Variants in SV2A observed in about 807,000 individuals in gnomAD.
The protein encoded by SV2A is synaptic vesicle glycoprotein 2A.
SV2A carries 25 observed loss-of-function variants against 78.0 expected under a neutral mutation model. The observed-to-expected ratio is 0.32, with a 90% CI of 0.23 to 0.45. The LOEUF is 0.45. Among genes scored for constraint, SV2A ranks in the 20% least tolerant of loss-of-function variants. SV2A has a pLI of 1.00. For synonymous variants in SV2A, 355 were observed against 384.7 expected, an observed-to-expected ratio of 0.92 and a Z score of 0.90; for missense variants, 752 against 971.5, an observed-to-expected ratio of 0.77 and a Z score of 3.00.
chr1:149,913,508 C>G lies in SV2A; in HGVS notation c.333G>C (p.Glu111Asp). The change falls in exon 2 of 13, where the codon GAG (glutamate) becomes GAC (aspartate). Residue 111 changes from glutamate (E) to aspartate (D), a missense_variant. Physicochemically the swap from Glu to Asp is conservative, Grantham distance 45. Around this residue, in one of 7 missense-constraint regions of SV2A, gnomAD observed 291 missense variants for 359.5 expected, o/e 0.81. Transcript: ENST00000369146. Reference protein sequence around the residue: ...IPRAESGGKGERMADGAPLAG... With the variant: ...IPRAESGGKGDRMADGAPLAG... Reference sequence around the variant, plus strand: ...CCAGGGGCGCCCCATCTGCCATCCGCTCGCCTTTGCCCCCAGACTCTGCCC... The same window carrying G: ...CCAGGGGCGCCCCATCTGCCATCCGGTCGCCTTTGCCCCCAGACTCTGCCC... 6.2e-7 allele frequency: 1 copy of G among 1,613,790 alleles called. No homozygotes were observed. Among genetic ancestry groups the G allele is most frequent in the Non-Finnish European group, 8.5e-7 (1 of 1,179,936 alleles).
intron 7 of SV2A, 47 bp from the exon 8 acceptor site, chr1:149,909,327 G>A: frequency 1.2e-6 from 2 of 1,600,724 alleles, no homozygotes; most frequent in Non-Finnish European, 1.7e-6. Context: ...CTAAGTTCTA[G>A]CACCCATAGA....
chr1:149,914,062 T>TGAAC lies in SV2A; in HGVS notation c.-223_-222insGTTC. ...GAGCTTTGACCTATACCCAGTTCAGTTGGGTGGATGGGGAAGGGACAGGGG... is the reference window on the plus strand; with the variant it reads ...GAGCTTTGACCTATACCCAGTTCAGTGAACTGGGTGGATGGGGAAGGGACAGGGG... On this transcript the variant is annotated 5_prime_UTR_variant, in exon 2 of 13. Coordinates refer to ENST00000369146, the MANE Select transcript of SV2A (RefSeq NM_014849.5). The TGAAC allele has an allele frequency of 1.8e-6, 1 of 564,762 alleles. No homozygotes were observed. Among genetic ancestry groups the TGAAC allele is most frequent in the Non-Finnish European group, 2.9e-6 (1 of 346,904 alleles). 35.0% of individuals were successfully genotyped at this position (564,762 alleles called of 1,614,324 possible). A position where few individuals can be genotyped will look rare whatever the true frequency, so the allele number is the denominator to read the frequency against.
chr1:149,907,484 T>C (rs2092446082), intron 10 of SV2A, among the ~76,000 whole-genome samples: 1 of 152,212 alleles, frequency 6.6e-6, no homozygotes, highest in African/African-American at 2.4e-5. Flanking sequence ...GCAAATAAAC[T>C]TGATGTTTTT....
intron 8 of SV2A, 36 bp from the exon 9 acceptor site, chr1:149,908,242 G>C (rs2092451954): frequency 1.3e-6 from 2 of 1,596,856 alleles, no homozygotes; most frequent in African/African-American, 1.3e-5. Context: ...AGACAACAGG[G>C]CTTCAGACAA....
chr1:149,908,323 A>G, intron 8 of SV2A, 117 bp from the exon 9 acceptor site: 1 of 1,254,778 alleles, frequency 8.0e-7, no homozygotes, highest in South Asian at 1.4e-5. Context: ...GGAGAAATGG[A>G]GTCAACCTCT....
intron 2 of SV2A, among the ~76,000 whole-genome samples, chr1:149,912,559 T>C (rs1346849811): frequency 1.3e-5 from 2 of 152,126 alleles, no homozygotes; most frequent in East Asian, 3.9e-4. Context: ...AAACTTTGCA[T>C]TTTCCCATGC....
Position 149,914,008 on chromosome 1 carries a change from G to T in SV2A, c.-168C>A. ...AAAGAGCAAACAGGTCCTAGCCAAT[G>T]AGTGCCTAGGAAGGAAAAGGAAGGA... is the stretch of plus-strand genomic sequence containing the variant. On this transcript the variant is annotated 5_prime_UTR_variant, in exon 2 of 13. Coordinates refer to ENST00000369146, the MANE Select transcript of SV2A (RefSeq NM_014849.5). 9.9e-7 allele frequency: 1 copy of T among 1,014,564 alleles called. No individual in the cohort carries two copies. Among genetic ancestry groups the T allele is most frequent in the East Asian group, 2.6e-5 (1 of 38,466 alleles). The allele number at this position is 1,014,564 out of a possible 1,614,324, so 62.8% of individuals were successfully genotyped here.
In SV2A at chr1:149,903,596, G is replaced by T. The variant is rs1310283470; in HGVS notation, c.*1418C>A. The T allele has an allele frequency of 6.6e-6, 1 of 152,264 alleles. No individual in the cohort carries two copies. The highest frequency in any genetic ancestry group is 1.5e-5 in the Non-Finnish European group (1 of 68,060). The allele number at this position is 152,264 out of a possible 1,614,324, so 9.4% of individuals were successfully genotyped here. A position where few individuals can be genotyped will look rare whatever the true frequency, so the allele number is the denominator to read the frequency against. ...ACCACCTGGTACAGTGTTACAAAAT[G>T]GGGAGAGTGACCACAGGGTTGGGGC... On this transcript the variant is annotated 3_prime_UTR_variant, in exon 13 of 13. Coordinates refer to ENST00000369146, the MANE Select transcript of SV2A (RefSeq NM_014849.5).
chr1:149,908,990 T>C (rs1186119430), intron 8 of SV2A, among the ~76,000 whole-genome samples: 7 of 152,114 alleles, frequency 4.6e-5, no homozygotes, highest in Non-Finnish European at 4.4e-5. Flanking sequence ...CAGCACAGAA[T>C]AGAAACTGAA....
chr1:149,908,301 T>C lies in SV2A; in HGVS notation c.1380-95A>G, dbSNP rs1358048415. ...GAGGAGAAAACGGAAATGTGTATCA[T>C]CTCAGAACAAGGGAGAAATGGAGTC... is the stretch of plus-strand genomic sequence containing the variant. On this transcript the variant is annotated intron_variant, in intron 8 of 12. Transcript: ENST00000369146. The C allele has an allele frequency of 3.5e-6, 5 of 1,430,624 alleles. No homozygotes were observed. In the African/African-American group the frequency reaches 7.1e-5, roughly 20 times the overall value. 88.6% of individuals were successfully genotyped at this position (1,430,624 alleles called of 1,614,324 possible).
At chr1:149,914,547 G>T (rs1249346461) in intron 1 of SV2A, among the ~76,000 whole-genome samples, 2 of 152,200 alleles carry the variant, frequency 1.3e-5, no homozygotes, top group African/African-American at 2.4e-5. Context: ...TTTCTTACTA[G>T]GGGTGGAGTT....
At chr1:149,915,775 G>A (rs782372067) in intron 1 of SV2A, among the ~76,000 whole-genome samples, 1 of 152,090 alleles carries the variant, frequency 6.6e-6, no homozygotes, top group South Asian at 2.1e-4. Flanking sequence ...GGAAGGCATG[G>A]GATAGCCCCC....
intron 8 of SV2A, among the ~76,000 whole-genome samples, chr1:149,908,415 A>G (rs1263162661): frequency 6.6e-6 from 1 of 152,158 alleles, no homozygotes; most frequent in Non-Finnish European, 1.5e-5. Flanking sequence ...GGGGGACTTC[A>G]GGGTCTCGCA....
chr1:149,905,772 G>A, intron 12 of SV2A, 108 bp downstream of exon 12: 1 of 1,431,272 alleles, frequency 7.0e-7, no homozygotes, highest in Non-Finnish European at 9.6e-7. Context: ...GGAGAAAATG[G>A]AAATGTATAT....
intron 1 of SV2A, among the ~76,000 whole-genome samples, chr1:149,915,929 G>T (rs587675224): frequency 6.6e-6 from 1 of 151,150 alleles, no homozygotes; most frequent in East Asian, 1.9e-4. Flanking sequence ...ACACACACAC[G>T]CCCTGGTAGA....
chr1:149,916,214 A>G (rs868911979), intron 1 of SV2A, among the ~76,000 whole-genome samples: 2 of 152,110 alleles, frequency 1.3e-5, no homozygotes, highest in South Asian at 2.1e-4. Flanking sequence ...GCCATACTCT[A>G]TGTTTGTTGA....
At chr1:149,906,423 A>G (rs2092438551) in intron 11 of SV2A, among the ~76,000 whole-genome samples, 1 of 151,936 alleles carries the variant, frequency 6.6e-6, no homozygotes. Context: ...AAAACCCATA[A>G]CCTCAAAGCC....
At chr1:149,909,352 C>CCCTCCCA (rs1195177711) in intron 7 of SV2A, 72 bp from the exon 8 acceptor site, 2 of 1,561,956 alleles carry the variant, frequency 1.3e-6, no homozygotes, top group Admixed American at 3.3e-5. Context: ...CACTTTTCTG[C>CCCTCCCA]CCTCCCACCT....
intron 6 of SV2A, 104 bp from the exon 7 acceptor site, chr1:149,909,675 G>A: frequency 2.8e-6 from 4 of 1,429,602 alleles, no homozygotes; most frequent in South Asian, 1.2e-5. Flanking sequence ...GCAGGAGGTG[G>A]ATATGATACC....
Sources: allele counts gnomAD v4.1 joint callset (sites outside exome capture counted in the v4.1 genomes callset), GRCh38; gene constraint gnomAD v4.1.1; regional missense constraint gnomAD v4.1.1; transcripts MANE v1.5; gene names NCBI Gene and HGNC (gene_info 2026-07-23, HGNC 2026-07-21).